Variants in SLC36A4 observed in about 807,000 individuals in gnomAD.
The protein encoded by SLC36A4 is solute carrier family 36 member 4, also known as neutral amino acid uniporter 4.
Under a neutral mutation model 50.5 loss-of-function variants are expected in SLC36A4, and 49 were observed. The observed-to-expected ratio is 0.97, with a 90% CI of 0.77 to 1.23. SLC36A4 has a LOEUF of 1.23. SLC36A4 is among the 50% of genes most tolerant of loss of function. The pLI is 0.00. For synonymous variants in SLC36A4, 207 were observed against 206.5 expected (o/e 1.00, Z -0.02); for missense variants, 611 against 608.4 (o/e 1.00, Z -0.05).
intron 1 of SLC36A4, 66 bp downstream of exon 1, chr11:93,197,712 C>G: frequency 6.6e-7 from 1 of 1,519,514 alleles, no homozygotes; most frequent in South Asian, 1.2e-5. Context: ...GGTGTGGGCG[C>G]ACCCGACTCC....
chr11:93,162,247 T>C (rs1023149863), intron 9 of SLC36A4, among the ~76,000 whole-genome samples: 2 of 152,152 alleles, frequency 1.3e-5, no homozygotes, highest in African/African-American at 4.8e-5. Flanking sequence ...CCTAAGTTCA[T>C]ATTTGGTCTC....
In SLC36A4 at chr11:93,184,499, G is replaced by A; in HGVS notation, c.201C>T (p.His67=). The A allele has an allele frequency of 6.2e-7, 1 of 1,606,100 alleles. No homozygotes were observed. The highest frequency in any genetic ancestry group is 8.5e-7 in the Non-Finnish European group (1 of 1,174,242). ...EGISFVQTLM[H]LLKGNIGTGL... is the part of the protein sequence containing the mutation. ...CAGTTCCAATATTTCCTTTAAGAAG[G>A]TGCATAAGAGTTTGTACAAATCTGA... The change falls in exon 3 of 11, where the codon CAC becomes CAT. Residue 67 remains histidine (H), a synonymous_variant. Transcript: ENST00000326402.
At chr11:93,168,407 T>C (rs1396575048) in intron 6 of SLC36A4, among the ~76,000 whole-genome samples, 1 of 152,108 alleles carries the variant, frequency 6.6e-6, no homozygotes, top group Non-Finnish European at 1.5e-5. Flanking sequence ...TCTTTTATCA[T>C]ACTGTAAATA....
At chr11:93,162,918 A>C (rs1860696498) in intron 8 of SLC36A4, 43 bp from the exon 9 acceptor site, 1 of 1,564,840 alleles carries the variant, frequency 6.4e-7, no homozygotes, top group African/African-American at 1.4e-5. Context: ...GAATACAAGT[A>C]TTTAAAAATA....
chr11:93,169,476 C>T (rs1861035293), intron 6 of SLC36A4, among the ~76,000 whole-genome samples: 2 of 152,072 alleles, frequency 1.3e-5, no homozygotes, highest in African/African-American at 2.4e-5. Context: ...AAGAGGCCAA[C>T]AAATCAGAAG....
Position 93,197,931 on chromosome 11 carries a change from C to T in SLC36A4, c.-99G>A, listed in dbSNP as rs955493879. 6 of 1,238,792 alleles carry T rather than the reference C, an allele frequency of 4.8e-6. No homozygotes were observed. The highest frequency in any genetic ancestry group is 3.1e-5 in the East Asian group (1 of 32,380). The allele number at this position is 1,238,792 out of a possible 1,614,324, so 76.7% of individuals were successfully genotyped here. On this transcript the variant is annotated 5_prime_UTR_variant, in exon 1 of 11. Transcript: ENST00000326402. ...GGCCTACCTCCCCTGCCCGGAGGGA[C>T]CCGCGCCTGGTGCCCGCCTCCCTGC... is the stretch of plus-strand genomic sequence containing the variant.
intron 1 of SLC36A4, among the ~76,000 whole-genome samples, chr11:93,188,444 G>T (rs116879690): frequency 0.012 from 1,786 of 152,244 alleles, 15 homozygotes; most frequent in Non-Finnish European, 0.018. Context: ...AGAATTATCA[G>T]TTCCAAATTC....
intron 1 of SLC36A4, among the ~76,000 whole-genome samples, chr11:93,192,185 G>A (rs1862243213): frequency 6.6e-6 from 1 of 152,198 alleles, no homozygotes; most frequent in African/African-American, 2.4e-5. Flanking sequence ...ATTTTGGAGA[G>A]ACAGCCAAAG....
chr11:93,185,530 A>G, intron 2 of SLC36A4, 161 bp downstream of exon 2: 1 of 577,842 alleles, frequency 1.7e-6, no homozygotes, highest in Non-Finnish European at 2.8e-6. Context: ...TCTGTGATTT[A>G]AACGCATTTC....
At chr11:93,164,313 A>C (rs1318043485) in intron 8 of SLC36A4, among the ~76,000 whole-genome samples, 1 of 152,222 alleles carries the variant, frequency 6.6e-6, no homozygotes, top group Non-Finnish European at 1.5e-5. Flanking sequence ...AAGAACCTTT[A>C]AAGAAAATAA....
chr11:93,158,305 A>C (rs1860457690), intron 9 of SLC36A4, among the ~76,000 whole-genome samples: 1 of 152,128 alleles, frequency 6.6e-6, no homozygotes, highest in Non-Finnish European at 1.5e-5. Flanking sequence ...TTTTCTAATT[A>C]ATTATCTTTT....
chr11:93,193,020 C>T, intron 1 of SLC36A4: 1 of 328,326 alleles, frequency 3.0e-6, no homozygotes, highest in Non-Finnish European at 4.4e-6. Flanking sequence ...ACAGCCTAGA[C>T]CCTGGCACAT....
intron 9 of SLC36A4, among the ~76,000 whole-genome samples, chr11:93,161,435 A>C (rs903322561): frequency 2.0e-5 from 3 of 152,232 alleles, no homozygotes; most frequent in Non-Finnish European, 4.4e-5. Context: ...TGTTAGCTGA[A>C]GTTAAATTGT....
intron 6 of SLC36A4, among the ~76,000 whole-genome samples, chr11:93,172,329 G>T (rs1861188204): frequency 6.6e-6 from 1 of 151,886 alleles, no homozygotes; most frequent in Non-Finnish European, 1.5e-5. Flanking sequence ...GTGGTGATTT[G>T]TGAGATCCTG....
At chr11:93,161,040 A>G (rs775151987) in intron 9 of SLC36A4, among the ~76,000 whole-genome samples, 1 of 151,280 alleles carries the variant, frequency 6.6e-6, no homozygotes, top group Non-Finnish European at 1.5e-5. Context: ...GAGTTTCACT[A>G]TGTTATGCAG....
In SLC36A4 at chr11:93,145,432, C is replaced by A. The variant is rs1216933152; in HGVS notation, c.*3105G>T. 1 of 151,984 alleles carries A rather than the reference C, an allele frequency of 6.6e-6. No homozygotes were observed. Among genetic ancestry groups the A allele is most frequent in the African/African-American group, 2.4e-5 (1 of 41,396 alleles). The allele number at this position is 151,984 out of a possible 1,614,324, so 9.4% of individuals were successfully genotyped here. ...AAACTGGTTTTTAACCAAGAATACG[C>A]TGTAGCTCTTATTTTCTTAATTGTA... On this transcript the variant is annotated 3_prime_UTR_variant, in exon 11 of 11. Coordinates refer to ENST00000326402, the MANE Select transcript of SLC36A4 (RefSeq NM_152313.4).
intron 1 of SLC36A4, among the ~76,000 whole-genome samples, chr11:93,187,847 G>T (rs1372818843): frequency 2.0e-5 from 3 of 152,094 alleles, no homozygotes; most frequent in Admixed American, 6.5e-5. Context: ...CATCTCCACT[G>T]CTCTATTTAT....
chr11:93,181,546 G>A (rs1861732486), intron 5 of SLC36A4, 145 bp downstream of exon 5: 1 of 512,604 alleles, frequency 2.0e-6, no homozygotes, highest in Middle Eastern at 6.0e-4. Flanking sequence ...GTTGAGATTA[G>A]AATCTAAGTC....
intron 6 of SLC36A4, among the ~76,000 whole-genome samples, chr11:93,179,831 G>A (rs1861656853): frequency 6.6e-6 from 1 of 152,078 alleles, no homozygotes; most frequent in African/African-American, 2.4e-5. Context: ...TTTACATATT[G>A]TTGCCTATGG....
Sources: gnomAD v4.1 joint callset for allele counts (sites outside exome capture counted in the v4.1 genomes callset) on GRCh38, gnomAD v4.1.1 for gene constraint, MANE v1.5 for transcripts, NCBI Gene and HGNC (gene_info 2026-07-23, HGNC 2026-07-21) for gene names.